CACNB2: variants seen among roughly 807,000 people sequenced by gnomAD.
The protein encoded by CACNB2 is voltage-dependent L-type calcium channel subunit beta-2.
CACNB2 carries 42 observed loss-of-function variants against 73.3 expected under a neutral mutation model. The ratio of observed to expected loss-of-function variants is 0.57; its 90% confidence interval spans 0.45 to 0.74. The LOEUF (loss-of-function observed/expected upper bound fraction) is 0.74. CACNB2 is among the 30% of genes least tolerant of loss of function. The pLI, the probability that CACNB2 is intolerant of heterozygous loss-of-function variation, is 0.00. For missense variants in CACNB2, 940 were observed against 853.0 expected, an observed-to-expected ratio of 1.10 and a Z score of -1.27; for synonymous variants, 348 against 310.3, an observed-to-expected ratio of 1.12 and a Z score of -1.28.
intron 2 of CACNB2, among the ~76,000 whole-genome samples, chr10:18,290,106 CTTTTTCTTTTTTTTTTTTT>C (rs2038999111): frequency 2.5e-5 from 1 of 40,094 alleles, no homozygotes; most frequent in African/African-American, 7.8e-5. Context: ...TTTCTTTTTT[CTTTTTCTTTTTTTTTTTTT>C]TTTTTTTTTT....
At chr10:18,141,308 GGT>G in intron 1 of CACNB2, 1 of 1,133,998 alleles carries the variant, frequency 8.8e-7, no homozygotes, top group Non-Finnish European at 1.3e-6. Context: ...GGTGGGCGTG[GGT>G]GTGAGGATGA....
chr10:18,430,420 G>A (rs1481719104), intron 3 of CACNB2, among the ~76,000 whole-genome samples: 1 of 151,844 alleles, frequency 6.6e-6, no homozygotes, highest in East Asian at 1.9e-4. Context: ...AACTTCTAAA[G>A]TTATCTCCCA....
At chr10:18,510,784 T>C (rs2050727534) in intron 6 of CACNB2, among the ~76,000 whole-genome samples, 1 of 152,190 alleles carries the variant, frequency 6.6e-6, no homozygotes, top group East Asian at 1.9e-4. Context: ...AATGTGGTCT[T>C]TATGAGCCCA....
At chr10:18,349,498 A>G (rs962716237) in intron 2 of CACNB2, among the ~76,000 whole-genome samples, 2 of 152,138 alleles carry the variant, frequency 1.3e-5, no homozygotes, top group African/African-American at 4.8e-5. Flanking sequence ...CTCTGGGACC[A>G]TTTTCCATTC....
chr10:18,525,420 C>A (rs1323158970), intron 9 of CACNB2, among the ~76,000 whole-genome samples: 1 of 152,102 alleles, frequency 6.6e-6, no homozygotes, highest in Non-Finnish European at 1.5e-5. Flanking sequence ...TTATGGAATT[C>A]TGATTGAAAT....
intron 2 of CACNB2, among the ~76,000 whole-genome samples, chr10:18,399,851 T>G (rs1293377504): frequency 1.3e-5 from 2 of 152,310 alleles, no homozygotes; most frequent in East Asian, 1.9e-4. Context: ...AAAATGTAAT[T>G]TCATTAGTAC....
intron 2 of CACNB2, among the ~76,000 whole-genome samples, chr10:18,328,564 C>T (rs1417626307): frequency 6.6e-6 from 1 of 152,206 alleles, no homozygotes; most frequent in Non-Finnish European, 1.5e-5. Context: ...TTTGTCTACA[C>T]AGGCACTTAA....
At chr10:18,200,015 A>G (rs1357532506) in intron 2 of CACNB2, among the ~76,000 whole-genome samples, 1 of 151,084 alleles carries the variant, frequency 6.6e-6, no homozygotes, top group African/African-American at 2.4e-5. Context: ...ATGAGCAAAA[A>G]AGAATCAAGT....
At chr10:18,186,917 C>T (rs2034180687) in intron 2 of CACNB2, among the ~76,000 whole-genome samples, 1 of 152,084 alleles carries the variant, frequency 6.6e-6, no homozygotes, top group South Asian at 2.1e-4. Flanking sequence ...TATGTAGCGC[C>T]CTAGGGGTTT....
chr10:18,183,910 G>A (rs1437134257), intron 2 of CACNB2, among the ~76,000 whole-genome samples: 1 of 152,182 alleles, frequency 6.6e-6, no homozygotes, highest in Non-Finnish European at 1.5e-5. Flanking sequence ...AGCTCTGCAA[G>A]CCCAGGAGAG....
intron 2 of CACNB2, among the ~76,000 whole-genome samples, chr10:18,281,841 A>G (rs1354190670): frequency 2.0e-5 from 3 of 151,992 alleles, no homozygotes; most frequent in African/African-American, 7.3e-5. Context: ...TTAGCCGGGC[A>G]TGATAGTGCA....
chr10:18,260,851 C>T (rs571520081), intron 2 of CACNB2: 2 of 1,073,018 alleles, frequency 1.9e-6, no homozygotes, highest in Middle Eastern at 4.5e-4. Context: ...TGCAGGGTCG[C>T]GAAATGCAAG....
chr10:18,293,930 T>A lies in CACNB2; in HGVS notation c.214-107994T>A, dbSNP rs1012470635. 2.6e-5 allele frequency among the ~76,000 whole-genome samples: 4 copies of A among 152,190 alleles called. No individual in the cohort carries two copies. The South Asian group carries it at 6.2e-4, about 24-fold the overall frequency. ...TTCAGTTTTCACCAGTCACGGTTTT[T>A]TAGGTATTGAATGACGTTTCCCTGC... On this transcript the variant is annotated intron_variant, in intron 2 of 13. Transcript: ENST00000324631.
chr10:18,456,893 A>G (rs779790265), intron 3 of CACNB2, among the ~76,000 whole-genome samples: 7 of 152,150 alleles, frequency 4.6e-5, no homozygotes, highest in Non-Finnish European at 1.0e-4. Context: ...TGATTCATCT[A>G]TTGGTGGACA....
chr10:18,369,840 G>A (rs775574002), intron 2 of CACNB2, among the ~76,000 whole-genome samples: 14 of 152,218 alleles, frequency 9.2e-5, no homozygotes, highest in Admixed American at 5.9e-4. Flanking sequence ...CTGGGAGGCA[G>A]AGGTTGCAGA....
chr10:18,284,191 C>G (rs1032160070), intron 2 of CACNB2, among the ~76,000 whole-genome samples: 2 of 152,160 alleles, frequency 1.3e-5, no homozygotes, highest in African/African-American at 4.8e-5. Context: ...TCACGTCTTA[C>G]GTGGATAGTT....
chr10:18,225,634 T>G (rs900950284), intron 2 of CACNB2, among the ~76,000 whole-genome samples: 3 of 145,412 alleles, frequency 2.1e-5, no homozygotes, highest in Non-Finnish European at 4.5e-5. Flanking sequence ...CCTTCCTTTC[T>G]TTCTTTTCCT....
intron 3 of CACNB2, among the ~76,000 whole-genome samples, chr10:18,425,666 TCAAAA>T (rs1006371334): frequency 1.3e-5 from 2 of 152,138 alleles, no homozygotes; most frequent in South Asian, 2.1e-4. Flanking sequence ...AGACCATGTC[TCAAAA>T]CAAAACAAAA....
chr10:18,152,351 G>C (rs2131039748), intron 2 of CACNB2, among the ~76,000 whole-genome samples: 1 of 152,282 alleles, frequency 6.6e-6, no homozygotes, highest in East Asian at 1.9e-4. Context: ...AGTTACTTAA[G>C]AAGGGGCAAA....
Sources: gnomAD v4.1 joint callset for allele counts (sites outside exome capture counted in the v4.1 genomes callset) on GRCh38, gnomAD v4.1.1 for gene constraint, MANE v1.5 for transcripts, NCBI Gene and HGNC (gene_info 2026-07-23, HGNC 2026-07-21) for gene names.